The following ZNF835 variants were observed in gnomAD, a reference collection of about 807,000 sequenced individuals.
ZNF835 encodes the protein zinc finger protein 835.
For synonymous variants in ZNF835, 323 were observed against 324.7 expected (o/e 0.99, Z 0.06); for missense variants, 783 against 758.4 (o/e 1.03, Z -0.38).
chr19:56,668,264 TG>T (rs2045262626), intron 1 of ZNF835, among the ~76,000 whole-genome samples: 1 of 152,122 alleles, frequency 6.6e-6, no homozygotes, highest in Admixed American at 6.5e-5. Flanking sequence ...CCCAAAGTGC[TG>T]GGATTACAGG....
Position 56,665,095 on chromosome 19 carries a change from G to C in ZNF835, c.104C>G (p.Pro35Arg). ...CTTGCAGGCCACGGCCTCTGGCTCT[G>C]GACAGCTTTCCTGGTTTTCCTGCAG... Reference protein sequence around the residue: ...EDLQENQESCPEPEAVACKGD... With the variant: ...EDLQENQESCREPEAVACKGD... The change falls in exon 2 of 2, where the codon CCA becomes CGA. Residue 35 changes from proline (P) to arginine (R), a missense_variant. By Grantham distance (103) the Pro-to-Arg change is moderately radical. Coordinates refer to ENST00000537055, the MANE Select transcript of ZNF835 (RefSeq NM_001005850.3). 6.2e-7 allele frequency: 1 copy of C among 1,614,012 alleles called. No individual in the cohort carries two copies. The highest frequency in any genetic ancestry group is 8.5e-7 in the Non-Finnish European group (1 of 1,179,886).
chr19:56,665,380 T>C, intron 1 of ZNF835, 135 bp from the exon 2 acceptor site: 1 of 868,136 alleles, frequency 1.2e-6, no homozygotes, highest in Non-Finnish European at 1.9e-6. Context: ...TTGGGTCCAA[T>C]AATTTGGTGT....
At chr19:56,668,861 C>T (rs1194916696) in intron 1 of ZNF835, among the ~76,000 whole-genome samples, 1 of 152,060 alleles carries the variant, frequency 6.6e-6, no homozygotes, top group Non-Finnish European at 1.5e-5. Context: ...GGTGCCACGT[C>T]CACCGGCATC....
intron 1 of ZNF835, among the ~76,000 whole-genome samples, chr19:56,670,977 C>T (rs1013382614): frequency 9.2e-5 from 14 of 152,244 alleles, no homozygotes; most frequent in Admixed American, 2.6e-4. Context: ...CATAACACAC[C>T]GATAAAGTGT....
At chr19:56,666,318 G>A (rs1230615877) in intron 1 of ZNF835, among the ~76,000 whole-genome samples, 1 of 152,202 alleles carries the variant, frequency 6.6e-6, no homozygotes, top group East Asian at 1.9e-4. Context: ...TATTGGCCAG[G>A]CTGGTCTCAA....
chr19:56,667,633 C>A (rs1375832184), intron 1 of ZNF835, among the ~76,000 whole-genome samples: 1 of 152,214 alleles, frequency 6.6e-6, no homozygotes, highest in Non-Finnish European at 1.5e-5. Context: ...CCTTTGGCTC[C>A]TCCGGGTACA....
At chr19:56,667,714 T>C (rs1235026232) in intron 1 of ZNF835, among the ~76,000 whole-genome samples, 1 of 152,130 alleles carries the variant, frequency 6.6e-6, no homozygotes, top group Non-Finnish European at 1.5e-5. Flanking sequence ...TCCTAACCCT[T>C]TGTGGTGGTG....
chr19:56,664,718 T>A lies in ZNF835; in HGVS notation c.481A>T (p.Thr161Ser), dbSNP rs1182171713. The A allele has an allele frequency of 6.2e-7, 1 of 1,611,562 alleles. No individual in the cohort carries two copies. The highest frequency in any genetic ancestry group is 1.7e-5 in the Admixed American group (1 of 59,982). ...TGGCAGGCGTAGGGCTTCTCGCCCG[T>A]GTGCGTGCGCTGGTGCAGGGTCAGG... ...VHLTLHQRTH[T>S]GEKPYACHEC... is the part of the protein sequence containing the mutation. Residue 161 changes from threonine (T) to serine (S), a missense_variant, in exon 2 of 2, where the codon ACG becomes TCG. Coordinates refer to ENST00000537055, the MANE Select transcript of ZNF835 (RefSeq NM_001005850.3).
At position 56,664,072 on chromosome 19, in the gene ZNF835, T is replaced by G; in HGVS notation, c.1127A>C (p.His376Pro). 6.2e-7 allele frequency: 1 copy of G among 1,610,072 alleles called. No homozygotes were observed. The highest frequency in any genetic ancestry group is 8.5e-7 in the Non-Finnish European group (1 of 1,178,868). Residue 376 changes from histidine (H) to proline (P), a missense_variant, in exon 2 of 2, where the codon CAC (histidine) becomes CCC (proline). Coordinates refer to ENST00000537055, the MANE Select transcript of ZNF835 (RefSeq NM_001005850.3). The part of the protein sequence containing the change: ...DCGKRFSNRS[H>P]LLQHRLVHTG... ...GTGCACGAGGCGGTGCTGGAGGAGG[T>G]GGGAGCGGTTGCTGAAGCGCTTGCC...
intron 1 of ZNF835, among the ~76,000 whole-genome samples, chr19:56,667,316 T>C (rs377299299): frequency 1.5e-3 from 222 of 152,330 alleles, no homozygotes; most frequent in African/African-American, 4.9e-3. Flanking sequence ...AATGACCTCC[T>C]GGTGCTGAGA....
chr19:56,664,736 G>C lies in ZNF835; in HGVS notation c.463C>G (p.Leu155Val). The change falls in exon 2 of 2, where the codon CTG becomes GTG. Residue 155 changes from leucine (L) to valine (V), a missense_variant. Transcript: ENST00000537055. ...TCGCCCGTGTGCGTGCGCTGGTGCA[G>C]GGTCAGGTGCACGCTCTGGCTGAAG... ...KAFSQSVHLT[L>V]HQRTHTGEKP... 1 of 1,611,650 alleles carries C rather than the reference G, an allele frequency of 6.2e-7. No homozygotes were observed. Among genetic ancestry groups the C allele is most frequent in the Non-Finnish European group, 8.5e-7 (1 of 1,178,562 alleles).
At position 56,663,354 on chromosome 19, in the gene ZNF835, G is replaced by T. The variant is rs915877602; in HGVS notation, c.*231C>A. On this transcript the variant is annotated 3_prime_UTR_variant, in exon 2 of 2. Coordinates refer to ENST00000537055, the MANE Select transcript of ZNF835 (RefSeq NM_001005850.3). ...AGAAAGAAATTAAAGGCCAGCCATA[G>T]GTGTTTCTGCAGGTCTACTTGCCCG... is the stretch of plus-strand genomic sequence containing the variant. The T allele has an allele frequency of 1.7e-6, 1 of 597,844 alleles. No homozygotes were observed. Among genetic ancestry groups the T allele is most frequent in the Admixed American group, 3.0e-5 (1 of 33,270 alleles). 37.0% of individuals were successfully genotyped at this position (597,844 alleles called of 1,614,324 possible). A position where few individuals can be genotyped will look rare whatever the true frequency, so the allele number is the denominator to read the frequency against.
At position 56,664,644 on chromosome 19, in the gene ZNF835, C is replaced by T; in HGVS notation, c.555G>A (p.Trp185Ter). The part of the protein sequence containing the change: ...FSQGSYLASH[W>*]RTHTGEKPHR... ...GCGGCTTCTCGCCCGTGTGCGTGCG[C>T]CAGTGGGACGCCAGGTACGAGCCCT... is the stretch of plus-strand genomic sequence containing the variant. Residue 185 changes from tryptophan (W) to a stop codon, truncating the protein, a stop_gained, in exon 2 of 2, where the codon TGG becomes TGA. Transcript: ENST00000537055. LOFTEE classifies it low-confidence loss of function (END_TRUNC). The T allele has an allele frequency of 6.2e-7, 1 of 1,609,540 alleles. No homozygotes were observed. Among genetic ancestry groups the T allele is most frequent in the Admixed American group, 1.7e-5 (1 of 59,278 alleles).
chr19:56,665,635 C>T (rs181496401), intron 1 of ZNF835, among the ~76,000 whole-genome samples: 348 of 152,118 alleles, frequency 2.3e-3, no homozygotes, highest in Non-Finnish European at 3.6e-3. Flanking sequence ...GATCTCATTT[C>T]TACAAATGAA....
chr19:56,664,727 G>A lies in ZNF835; in HGVS notation c.472C>T (p.Arg158Cys), dbSNP rs554151224. ...TAGGGCTTCTCGCCCGTGTGCGTGC[G>A]CTGGTGCAGGGTCAGGTGCACGCTC... ...SQSVHLTLHQ[R>C]THTGEKPYAC... The change falls in exon 2 of 2, where the codon CGC becomes TGC. Residue 158 changes from arginine to cysteine, a missense_variant. Transcript: ENST00000537055. 1.2e-5 allele frequency: 19 copies of A among 1,611,508 alleles called. No homozygotes were observed. The East Asian group carries it at 4.0e-4, about 34-fold the overall frequency.
chr19:56,668,991 T>G (rs2045268400), intron 1 of ZNF835, among the ~76,000 whole-genome samples: 2 of 152,008 alleles, frequency 1.3e-5, no homozygotes, highest in African/African-American at 4.8e-5. Flanking sequence ...GACACAGGCT[T>G]GCTTGGGGGC....
chr19:56,667,020 TG>T (rs2045252321), intron 1 of ZNF835, among the ~76,000 whole-genome samples: 1 of 152,176 alleles, frequency 6.6e-6, no homozygotes, highest in Admixed American at 6.5e-5. Flanking sequence ...TGCTGGCTCG[TG>T]GGCCCAGGGT....
rs184858243 is a variant in ZNF835, at chr19:56,663,367, G to A, written c.*218C>T. ...AGGCCAGCCATAGGTGTTTCTGCAG[G>A]TCTACTTGCCCGTGCCCCATTTATA... On this transcript the variant is annotated 3_prime_UTR_variant, in exon 2 of 2. Coordinates refer to ENST00000537055, the MANE Select transcript of ZNF835 (RefSeq NM_001005850.3). The A allele has an allele frequency of 3.2e-6, 2 of 617,200 alleles. No individual in the cohort carries two copies. The highest frequency in any genetic ancestry group is 3.0e-5 in the Admixed American group (1 of 33,644). 38.2% of individuals were successfully genotyped at this position (617,200 alleles called of 1,614,324 possible).
At chr19:56,668,292 C>T (rs151264486) in intron 1 of ZNF835, among the ~76,000 whole-genome samples, 236 of 152,066 alleles carry the variant, frequency 1.6e-3, no homozygotes, top group African/African-American at 5.5e-3. Flanking sequence ...CCACTGTGCC[C>T]GGCCAATAAA....
Sources: gnomAD v4.1 joint callset for allele counts (sites outside exome capture counted in the v4.1 genomes callset) on GRCh38, gnomAD v4.1.1 for gene constraint, MANE v1.5 for transcripts, NCBI Gene and HGNC (gene_info 2026-07-23, HGNC 2026-07-21) for gene names.